MUC4: variants seen among roughly 807,000 people sequenced by gnomAD.
MUC4 encodes mucin 4, cell surface associated.
A neutral mutation model predicts 257.9 loss-of-function variants in MUC4; 202 were observed. The ratio of observed to expected loss-of-function variants is 0.78; its 90% CI spans 0.70 to 0.88. The LOEUF (loss-of-function observed/expected upper bound fraction) is 0.88. MUC4 is among the 40% of genes least tolerant of loss of function. The pLI is 0.00. For synonymous variants in MUC4, 2,351 were observed against 2,757.1 expected (o/e 0.85, Z 4.62); for missense variants, 5,976 against 6,513.7 (o/e 0.92, Z 2.84).
In MUC4 at chr3:195,778,385, G is replaced by A. The variant is rs755984623; in HGVS notation, c.12861C>T (p.Ser4287=). ...RTATSPPPTT[S]QTIISTIPST... ...TGGGAATGGTGGAAATGATGGTCTG[G>A]GAGGTTGTGGGGGGTGGTGATGTGG... The change falls in exon 3 of 25, where the codon TCC becomes TCT. Residue 4287 remains serine (S), a synonymous_variant. Coordinates refer to ENST00000463781, the MANE Select transcript of MUC4 (RefSeq NM_018406.7). 11 of 1,613,200 alleles carry A rather than the reference G, an allele frequency of 6.8e-6. No homozygotes were observed. In the African/African-American group the frequency reaches 1.2e-4, roughly 18 times the overall value.
intron 1 of MUC4, among the ~76,000 whole-genome samples, chr3:195,803,890 G>A (rs562927770): frequency 7.6e-4 from 115 of 152,236 alleles, no homozygotes; most frequent in African/African-American, 2.7e-3. Flanking sequence ...CATGCAGAGG[G>A]CTCTGAGCCT....
At chr3:195,767,515 ATCACCACCACCATCG>A (rs1419864277) in intron 7 of MUC4, among the ~76,000 whole-genome samples, 7 of 139,790 alleles carry the variant, frequency 5.0e-5, no homozygotes, top group Admixed American at 6.9e-5. Context: ...CACCATCACC[ATCACCACCACCATCG>A]CCACCACCAT....
In MUC4 at chr3:195,747,232, C is replaced by T. The variant is rs767267345; in HGVS notation, c.16183G>A (p.Gly5395Ser). 8.1e-6 allele frequency: 13 copies of T among 1,614,272 alleles called. No individual in the cohort carries two copies. The East Asian group carries it at 2.9e-4, about 36-fold the overall frequency. ...VGTFVVLRFWGCSGARFSYFL... is the reference protein window; with the variant it reads ...VGTFVVLRFWSCSGARFSYFL... Reference sequence around the variant, plus strand: ...TAGGAGAACCTGGCCCCGGAGCAACCCCAGAAGCGCAGGACCACGAACGTC... The same window carrying T: ...TAGGAGAACCTGGCCCCGGAGCAACTCCAGAAGCGCAGGACCACGAACGTC... The change falls in exon 25 of 25, where the codon GGT (glycine) becomes AGT (serine). Residue 5395 changes from glycine (G) to serine (S), a missense_variant. Transcript: ENST00000463781.
chr3:195,796,455 G>A (rs893669587), intron 1 of MUC4, among the ~76,000 whole-genome samples: 8 of 152,188 alleles, frequency 5.3e-5, no homozygotes, highest in African/African-American at 1.4e-4. Flanking sequence ...GCTCACGCCT[G>A]TAATCCTAAC....
At position 195,759,410 on chromosome 3, in the gene MUC4, C is replaced by T. The variant is rs564606675; in HGVS notation, c.14849-149G>A. The T allele has an allele frequency of 8.9e-4, 983 of 1,105,886 alleles. 20 individuals carry two copies. The South Asian group carries it at 0.014, about 16-fold the overall frequency. The allele number at this position is 1,105,886 out of a possible 1,614,324, so 68.5% of individuals were successfully genotyped here. ...AGGAATTATTCTGTGTACCTGCTCT[C>T]GACTGACGCACAGCAGGCTGGGACT... is the stretch of plus-strand genomic sequence containing the variant. On this transcript the variant is annotated intron_variant, in intron 16 of 24. Coordinates refer to ENST00000463781, the MANE Select transcript of MUC4 (RefSeq NM_018406.7).
At chr3:195,759,918 A>AACACACACACACACACACGCACGCACGC (rs1553855203) in intron 16 of MUC4, among the ~76,000 whole-genome samples, 32 of 149,736 alleles carry the variant, frequency 2.1e-4, no homozygotes, top group South Asian at 4.3e-4. Flanking sequence ...AAACTCCGTC[A>AACACACACACACACACACGCACGCACGC]ACACACACAC....
At chr3:195,759,919 A>ACACACACACACACGCACGCACG (rs1718430617) in intron 16 of MUC4, among the ~76,000 whole-genome samples, 2 of 38,540 alleles carry the variant, frequency 5.2e-5, no homozygotes, top group Non-Finnish European at 8.2e-5. Flanking sequence ...AACTCCGTCA[A>ACACACACACACACGCACGCACG]CACACACACA....
At position 195,769,068 on chromosome 3, in the gene MUC4, C is replaced by G; in HGVS notation, c.13483G>C (p.Asp4495His). 1 of 1,614,084 alleles carries G rather than the reference C, an allele frequency of 6.2e-7. No individual in the cohort carries two copies. The highest frequency in any genetic ancestry group is 1.3e-5 in the African/African-American group (1 of 75,050). The change falls in exon 7 of 25, where the codon GAC becomes CAC. Residue 4495 changes from aspartate (D) to histidine (H), a missense_variant. Coordinates refer to ENST00000463781, the MANE Select transcript of MUC4 (RefSeq NM_018406.7). ...FLYQSGGMQW[D>H]VAQRSGNPVL... is the part of the protein sequence containing the mutation. ...GGGTTGCCTGAGCGCTGGGCCACGT[C>G]CCACTGCATCCCACCGCTCTGGTAG... is the stretch of plus-strand genomic sequence containing the variant.
At position 195,783,811 on chromosome 3, in the gene MUC4, G is replaced by T. The variant is rs1401338611; in HGVS notation, c.7769C>A (p.Thr2590Asn). The change falls in exon 2 of 25, where the codon ACC (threonine) becomes AAC (asparagine). Residue 2590 changes from threonine to asparagine, a missense_variant. Thr to Asn is a moderately conservative substitution (Grantham distance 65). Transcript: ENST00000463781. The part of the protein sequence containing the change: ...TSTSSASTGD[T>N]TPLPVTDTYS... The stretch of plus-strand genomic sequence containing the variant: ...AGTGTCGGTGACAGGAAGAGGGGTG[G>T]TGTCACCTGTGGATGCTGAGGAAGT... The T allele has an allele frequency of 7.0e-7, 1 of 1,435,474 alleles. No individual in the cohort carries two copies. Among genetic ancestry groups the T allele is most frequent in the Non-Finnish European group, 9.5e-7 (1 of 1,056,690 alleles). The allele number at this position is 1,435,474 out of a possible 1,614,324, so 88.9% of individuals were successfully genotyped here. A position where few individuals can be genotyped will look rare whatever the true frequency, so the allele number is the denominator to read the frequency against.
At position 195,762,191 on chromosome 3, in the gene MUC4, C is replaced by G; in HGVS notation, c.14408G>C (p.Ser4803Thr). The change falls in exon 14 of 25, where the codon AGC becomes ACC. Residue 4803 changes from serine to threonine, a missense_variant. This residue lies in a region of MUC4 where 996 missense variants were observed against 1,137.3 expected (regional missense o/e 0.88). Transcript: ENST00000463781. ...CGAGACGGTGGCCCAGCCGTCGAAG[C>G]TGGCCGAGACCTCAGAGCCGTTGCG... is the stretch of plus-strand genomic sequence containing the variant. ...LSRNGSEVSA[S>T]FDGWATVSVI... The G allele has an allele frequency of 1.9e-6, 3 of 1,603,520 alleles. No individual in the cohort carries two copies. The highest frequency in any genetic ancestry group is 2.6e-6 in the Non-Finnish European group (3 of 1,175,258).
chr3:195,769,013 C>T lies in MUC4; in HGVS notation c.13529+9G>A, dbSNP rs760454775. 17 of 1,609,526 alleles carry T rather than the reference C, an allele frequency of 1.1e-5. No individual in the cohort carries two copies. The highest frequency in any genetic ancestry group is 1.4e-5 in the Non-Finnish European group (17 of 1,176,548). On this transcript the variant is annotated intron_variant, in intron 7 of 24. Coordinates refer to ENST00000463781, the MANE Select transcript of MUC4 (RefSeq NM_018406.7). ...AACTGCTCAGTGCTGACAGCCCCTC[C>T]CATCCTACCTAGAGAAGCCCATGAG...
In MUC4 at chr3:195,778,571, C is replaced by T; in HGVS notation, c.12791-116G>A. 2.8e-6 allele frequency: 4 copies of T among 1,412,326 alleles called. No individual in the cohort carries two copies. The African/African-American group carries it at 4.3e-5, about 15-fold the overall frequency. The allele number at this position is 1,412,326 out of a possible 1,614,324, so 87.5% of individuals were successfully genotyped here. ...GGAGCTGGAAACTCCTTGTCTCTCC[C>T]CTGCTCATATCCAAACTACTCTCGA... is the stretch of plus-strand genomic sequence containing the variant. On this transcript the variant is annotated intron_variant, in intron 2 of 24. Transcript: ENST00000463781.
intron 20 of MUC4, 158 bp from the exon 21 acceptor site, chr3:195,752,604 C>T (rs1393385698): frequency 1.6e-6 from 1 of 633,258 alleles, no homozygotes; most frequent in South Asian, 1.9e-5. Flanking sequence ...TCCACAGTGA[C>T]AGAAGGTCGC....
chr3:195,754,477 T>C, intron 18 of MUC4, 105 bp from the exon 19 acceptor site: 2 of 1,393,424 alleles, frequency 1.4e-6, no homozygotes, highest in Non-Finnish European at 1.9e-6. Context: ...GGACCCTGAG[T>C]CATGTCTCAG....
chr3:195,774,254 C>G lies in MUC4; in HGVS notation c.12995G>C (p.Arg4332Thr). Residue 4332 changes from arginine to threonine, a missense_variant, in exon 4 of 25, where the codon AGG becomes ACG. Physicochemically the swap from Arg to Thr is moderately conservative, Grantham distance 71. Around this residue, in one of 44 missense-constraint regions of MUC4, gnomAD observed 233 missense variants for 171.2 expected, o/e 1.36. Transcript: ENST00000463781. ...GAGAGDLEFV[R>T]RTVDFTSPLF... ...TGGGGAGGTGAAGTCCACGGTCCTC[C>G]TGACGAACTCCAGGTCCCCGGCGCC... 2 of 1,600,684 alleles carry G rather than the reference C, an allele frequency of 1.2e-6. No homozygotes were observed. The highest frequency in any genetic ancestry group is 1.1e-5 in the South Asian group (1 of 89,728).
chr3:195,779,052 A>G lies in MUC4; in HGVS notation c.12528T>C (p.Pro4176=), dbSNP rs1395038180. Residue 4176 remains proline, a synonymous_variant, in exon 2 of 25, where the codon CCT becomes CCC. Transcript: ENST00000463781. The part of the protein sequence containing the change: ...ASSVSTGHGT[P]LPVTSTSSAS... ...CTGAGGAAGTGCTGGTGACAGGAAGAGGGGTGCCGTGACCTGTGGACACTG... is the reference window on the plus strand; with the variant it reads ...CTGAGGAAGTGCTGGTGACAGGAAGGGGGGTGCCGTGACCTGTGGACACTG... The G allele has an allele frequency of 1.9e-6, 2 of 1,064,706 alleles. No homozygotes were observed. Among genetic ancestry groups the G allele is most frequent in the East Asian group, 5.1e-5 (1 of 19,618 alleles). 66.0% of individuals were successfully genotyped at this position (1,064,706 alleles called of 1,614,324 possible).
intron 7 of MUC4, among the ~76,000 whole-genome samples, chr3:195,767,727 T>TCGC (rs1560264128): frequency 2.4e-3 from 4 of 1,646 alleles, no homozygotes; most frequent in African/African-American, 0.011. Context: ...ACCACCACCA[T>TCGC]CACCACCACC....
In MUC4 at chr3:195,780,424, G is replaced by T. The variant is rs1727032166; in HGVS notation, c.11156C>A (p.Ser3719Tyr). Residue 3719 changes from serine (S) to tyrosine (Y), a missense_variant, in exon 2 of 25, where the codon TCC (serine) becomes TAC (tyrosine). By Grantham distance (144) the Ser-to-Tyr change is moderately radical. Around this residue, in one of 44 missense-constraint regions of MUC4, gnomAD observed 330 missense variants for 262.0 expected, o/e 1.26. Coordinates refer to ENST00000463781, the MANE Select transcript of MUC4 (RefSeq NM_018406.7). ...HTTPLPVTST[S>Y]SVSTGHVTPL... ...GGTGACGTGACCTGTAGATACTGAG[G>T]AAGTGCTGGTGACAGGAAGAGGGGT... 6.5e-7 allele frequency: 1 copy of T among 1,543,142 alleles called. No individual in the cohort carries two copies. Among genetic ancestry groups the T allele is most frequent in the Non-Finnish European group, 8.7e-7 (1 of 1,146,988 alleles).
chr3:195,811,205 G>T (rs995512239), intron 1 of MUC4, among the ~76,000 whole-genome samples: 53 of 148,414 alleles, frequency 3.6e-4, no homozygotes, highest in Non-Finnish European at 5.2e-4. Flanking sequence ...ACAGAGTCTC[G>T]CTCTCTCTCC....
Sources: allele counts gnomAD v4.1 joint callset (sites outside exome capture counted in the v4.1 genomes callset), GRCh38; gene constraint gnomAD v4.1.1; regional missense constraint gnomAD v4.1.1; transcripts MANE v1.5; gene names NCBI Gene and HGNC (gene_info 2026-07-23, HGNC 2026-07-21).